MAP4K4: variants seen among roughly 807,000 people sequenced by gnomAD.
MAP4K4 encodes mitogen-activated protein kinase kinase kinase kinase 4, also known as HPK/GCK-like kinase HGK.
MAP4K4 carries 38 observed loss-of-function variants against 189.6 expected under a neutral mutation model. The observed-to-expected ratio is 0.20, with a 90% CI of 0.15 to 0.26. The LOEUF (loss-of-function observed/expected upper bound fraction) is 0.26. Among genes scored for constraint, MAP4K4 ranks in the 10% least tolerant of loss-of-function variants. The probability of loss-of-function intolerance (pLI) is 1.00; values close to 1 mark genes in which losing one functional copy is unlikely to be tolerated. For missense variants in MAP4K4, 1,054 were observed against 1,726.9 expected, an observed-to-expected ratio of 0.61 and a Z score of 6.91; for synonymous variants, 610 against 624.3, an observed-to-expected ratio of 0.98 and a Z score of 0.34.
At chr2:101,800,035 T>C (rs1373168350) in intron 3 of MAP4K4, among the ~76,000 whole-genome samples, 2 of 152,112 alleles carry the variant, frequency 1.3e-5, no homozygotes, top group African/African-American at 4.8e-5. Context: ...ACAGCACCCT[T>C]CATTCACGTG....
intron 16 of MAP4K4, chr2:101,861,494 C>G (rs2097654675): frequency 6.5e-6 from 1 of 152,998 alleles, no homozygotes; most frequent in East Asian, 1.9e-4. Flanking sequence ...GGGGAATGAC[C>G]TTTTATCAGA....
chr2:101,753,915 A>G (rs747028623), intron 2 of MAP4K4, among the ~76,000 whole-genome samples: 1 of 152,148 alleles, frequency 6.6e-6, no homozygotes, highest in Non-Finnish European at 1.5e-5. Flanking sequence ...CTAAAGTTCA[A>G]CACCCACCAT....
At chr2:101,823,209 A>G (rs914077343) in intron 3 of MAP4K4, among the ~76,000 whole-genome samples, 7 of 152,102 alleles carry the variant, frequency 4.6e-5, no homozygotes, top group African/African-American at 1.7e-4. Context: ...TGTTTCCTTC[A>G]TTCCCCACCC....
At chr2:101,804,614 G>A (rs73943786) in intron 3 of MAP4K4, among the ~76,000 whole-genome samples, 2,447 of 152,158 alleles carry the variant, frequency 0.016, 76 homozygotes, top group African/African-American at 0.056. Context: ...TTTATGTCTA[G>A]ACATTCCCAG....
chr2:101,770,686 TAG>T (rs778606160), intron 2 of MAP4K4, among the ~76,000 whole-genome samples: 12 of 152,208 alleles, frequency 7.9e-5, no homozygotes, highest in Non-Finnish European at 1.8e-4. Context: ...ATTTCTTAAA[TAG>T]AGAGTAGGTC....
chr2:101,753,831 G>T (rs1436097461), intron 2 of MAP4K4, among the ~76,000 whole-genome samples: 2 of 152,028 alleles, frequency 1.3e-5, no homozygotes, highest in African/African-American at 4.8e-5. Flanking sequence ...GTCTTTGGTG[G>T]CTTGAAGAGT....
chr2:101,799,069 T>C (rs1420614151), intron 3 of MAP4K4, among the ~76,000 whole-genome samples: 9 of 152,178 alleles, frequency 5.9e-5, no homozygotes. Flanking sequence ...CCCAGGAACA[T>C]AAATTTGAGG....
intron 3 of MAP4K4, chr2:101,797,201 G>A (rs1438948248): frequency 6.3e-6 from 8 of 1,277,942 alleles, no homozygotes; most frequent in Non-Finnish European, 7.1e-6. Flanking sequence ...GGAAGGGAAG[G>A]AGAGATCTCT....
chr2:101,756,253 G>C (rs2072722694), intron 2 of MAP4K4, among the ~76,000 whole-genome samples: 2 of 152,030 alleles, frequency 1.3e-5, no homozygotes. Context: ...CTGACACCTT[G>C]ATCTTAATGA....
At chr2:101,699,522 G>A (rs1158746401) in intron 2 of MAP4K4, among the ~76,000 whole-genome samples, 1 of 152,202 alleles carries the variant, frequency 6.6e-6, no homozygotes, top group Non-Finnish European at 1.5e-5. Context: ...TGTTCTGTTA[G>A]AGTCGGTACA....
At chr2:101,881,902 T>C (rs2098402420) in intron 27 of MAP4K4, among the ~76,000 whole-genome samples, 1 of 152,214 alleles carries the variant, frequency 6.6e-6, no homozygotes, top group Admixed American at 6.5e-5. Context: ...CACCACAATG[T>C]ATTTACTCAT....
At chr2:101,876,956 TGC>T (rs1449429550) in intron 26 of MAP4K4, 45 bp from the exon 27 acceptor site, 1 of 1,599,858 alleles carries the variant, frequency 6.3e-7, no homozygotes, top group Non-Finnish European at 8.5e-7. Flanking sequence ...CCTGGGGATT[TGC>T]CAAGCACAGC....
chr2:101,849,913 A>G (rs2097227768), intron 12 of MAP4K4, among the ~76,000 whole-genome samples: 1 of 152,130 alleles, frequency 6.6e-6, no homozygotes, highest in Admixed American at 6.6e-5. Context: ...ATTAAACAAG[A>G]TGGTGTCCTG....
exon 1 of MAP4K4, chr2:101,697,799 G>A (rs1181053073): frequency 6.9e-6 from 1 of 145,174 alleles, no homozygotes; most frequent in Non-Finnish European, 1.5e-5. Flanking sequence ...CTGAGGCGGC[G>A]GGCGACGCCC....
At chr2:101,850,080 T>C (rs1211931156) in intron 12 of MAP4K4, among the ~76,000 whole-genome samples, 1 of 152,188 alleles carries the variant, frequency 6.6e-6, no homozygotes, top group Non-Finnish European at 1.5e-5. Flanking sequence ...GTTGTCACTT[T>C]GTGATTTTGG....
exon 33 of MAP4K4, chr2:101,894,296 T>C (rs2098600843): frequency 6.5e-6 from 1 of 152,808 alleles, no homozygotes; most frequent in Non-Finnish European, 1.5e-5. Context: ...AACCTTTCTG[T>C]ATTAAAATCA....
chr2:101,869,696 C>A, exon 22 of MAP4K4: 1 of 1,606,108 alleles, frequency 6.2e-7, no homozygotes. Context: ...CGGACTACTC[C>A]TCATCCAGTG....
chr2:101,838,529 C>T (rs2149512497), intron 9 of MAP4K4, among the ~76,000 whole-genome samples: 1 of 152,310 alleles, frequency 6.6e-6, no homozygotes, highest in Non-Finnish European at 1.5e-5. Flanking sequence ...TTCCTTCACT[C>T]TGGAATGTTG....
intron 2 of MAP4K4, among the ~76,000 whole-genome samples, chr2:101,761,629 G>T (rs918295140): frequency 6.6e-6 from 1 of 151,478 alleles, no homozygotes; most frequent in African/African-American, 2.4e-5. Context: ...CATGATCTCG[G>T]ATCACTGCAA....
Sources: allele counts gnomAD v4.1 joint callset (sites outside exome capture counted in the v4.1 genomes callset), GRCh38; gene constraint gnomAD v4.1.1; transcripts MANE v1.5; gene names NCBI Gene and HGNC (gene_info 2026-07-23, HGNC 2026-07-21).